MRPL54: variants seen among roughly 807,000 people sequenced by gnomAD.
MRPL54 encodes the protein mitochondrial ribosomal protein L54, also known as large ribosomal subunit protein mL54.
A neutral mutation model predicts 15.6 loss-of-function variants in MRPL54; 12 were observed. The observed-to-expected ratio is 0.77, with a 90% CI of 0.49 to 1.24. The LOEUF is 1.24. MRPL54 is among the 50% of genes most tolerant of loss of function. The probability of loss-of-function intolerance (pLI) is 0.00; values close to 1 mark genes in which losing one functional copy is unlikely to be tolerated. For missense variants in MRPL54, 178 were observed against 186.8 expected (o/e 0.95, Z 0.28); for synonymous variants, 91 against 75.7 (o/e 1.20, Z -1.05).
At chr19:3,767,183 C>T (rs986511683) in intron 2 of MRPL54, 78 bp from the exon 3 acceptor site, 22 of 1,527,972 alleles carry the variant, frequency 1.4e-5, no homozygotes, top group Non-Finnish European at 1.9e-5. Flanking sequence ...CCGTCGCCGC[C>T]TCTGCCCGAG....
chr19:3,762,727 T>C lies in MRPL54; in HGVS notation c.27T>C (p.Ala9=). 1 of 1,611,816 alleles carries C rather than the reference T, an allele frequency of 6.2e-7. No individual in the cohort carries two copies. Among genetic ancestry groups the C allele is most frequent in the Non-Finnish European group, 8.5e-7 (1 of 1,179,150 alleles). Residue 9 remains alanine, a synonymous_variant, in exon 1 of 3, where the codon GCT becomes GCC. Coordinates refer to ENST00000330133, the MANE Select transcript of MRPL54 (RefSeq NM_172251.3). Reference sequence around the variant, plus strand: ...TGGCGACCAAACGCCTTTTCGGGGCTACCCGGACGTGGGCCGGCTGGGGGG... The same window carrying C: ...TGGCGACCAAACGCCTTTTCGGGGCCACCCGGACGTGGGCCGGCTGGGGGG... MATKRLFG[A]TRTWAGWGAW...
intron 1 of MRPL54, 67 bp from the exon 2 acceptor site, chr19:3,765,099 C>T: frequency 6.6e-7 from 1 of 1,520,926 alleles, no homozygotes; most frequent in Non-Finnish European, 8.9e-7. Flanking sequence ...AGACAGGGTT[C>T]TGTGAGAGAA....
chr19:3,766,078 ATT>A (rs1177318246), intron 2 of MRPL54, among the ~76,000 whole-genome samples: 4 of 138,752 alleles, frequency 2.9e-5, no homozygotes, highest in Non-Finnish European at 3.2e-5. Flanking sequence ...TGCCTGGCTA[ATT>A]TTTTTTTTTT....
rs372228610 is a variant in MRPL54 at position 3,767,281 on chromosome 19, G to C, written c.305G>C (p.Gly102Ala). 8.5e-5 allele frequency: 137 copies of C among 1,612,510 alleles called. No homozygotes were observed. The highest frequency in any genetic ancestry group is 1.1e-4 in the Non-Finnish European group (124 of 1,179,446). Residue 102 changes from glycine (G) to alanine (A), a missense_variant, in exon 3 of 3, where the codon GGT becomes GCT. Coordinates refer to ENST00000330133, the MANE Select transcript of MRPL54 (RefSeq NM_172251.3). ...YPEWLFEMNL[G>A]PPKTLEELDP... is the part of the protein sequence containing the mutation. ...GTCAGGCTGTTCGAGATGAACTTGG[G>C]TCCCCCAAAGACCCTGGAGGAGCTG...
At chr19:3,766,904 C>T (rs1182150973) in intron 2 of MRPL54, among the ~76,000 whole-genome samples, 1 of 152,080 alleles carries the variant, frequency 6.6e-6, no homozygotes, top group African/African-American at 2.4e-5. Context: ...GAGGTGAGGG[C>T]AGGACCTGTG....
chr19:3,765,914 ATT>A (rs369795897), intron 2 of MRPL54, among the ~76,000 whole-genome samples: 5 of 15,510 alleles, frequency 3.2e-4, no homozygotes, highest in East Asian at 0.011. Context: ...AAAAAAAAAA[ATT>A]TTTTTTTTTC....
At chr19:3,765,434 T>A in intron 2 of MRPL54, 103 bp downstream of exon 2, 1 of 1,281,416 alleles carries the variant, frequency 7.8e-7, no homozygotes, top group Non-Finnish European at 1.1e-6. Flanking sequence ...CGGAGCCTAA[T>A]AGTCACACCT....
At chr19:3,764,147 A>G (rs1168739473) in intron 1 of MRPL54, among the ~76,000 whole-genome samples, 2 of 151,072 alleles carry the variant, frequency 1.3e-5, no homozygotes, top group Non-Finnish European at 3.0e-5. Context: ...CAGTGGCGCA[A>G]TCTTGGCTCA....
At chr19:3,764,645 A>T (rs2037180149) in intron 1 of MRPL54, among the ~76,000 whole-genome samples, 2 of 145,836 alleles carry the variant, frequency 1.4e-5, no homozygotes, top group African/African-American at 2.6e-5. Flanking sequence ...AACTCACCTG[A>T]CCTCAGGTGA....
Position 3,765,167 on chromosome 19 carries a change from T to C in MRPL54, c.120T>C (p.Val40=). 1.2e-6 allele frequency: 2 copies of C among 1,610,140 alleles called. No individual in the cohort carries two copies. The highest frequency in any genetic ancestry group is 1.7e-6 in the Non-Finnish European group (2 of 1,178,186). Residue 40 remains valine (V), a splice_region_variant and synonymous_variant, in exon 2 of 3, where the codon GTT becomes GTC. Transcript: ENST00000330133. ...TGACTCTCCCTCTCGTCTCCCCAGT[T>C]ATGAAGGGGGCCAAATCGGGAAAAG... ...LLARDYAKKP[V]MKGAKSGKGA... is the part of the protein sequence containing the mutation.
intron 2 of MRPL54, among the ~76,000 whole-genome samples, chr19:3,766,765 G>A (rs1420793845): frequency 6.6e-6 from 1 of 152,220 alleles, no homozygotes; most frequent in South Asian, 2.1e-4. Flanking sequence ...GGGAGTGGGT[G>A]GAAGGGGCTT....
intron 1 of MRPL54, 125 bp downstream of exon 1, chr19:3,762,943 C>A: frequency 1.2e-6 from 1 of 806,864 alleles, no homozygotes; most frequent in Non-Finnish European, 1.9e-6. Context: ...GGATGCCAGG[C>A]TGTATGCGCA....
chr19:3,763,048 G>T (rs1249091440), intron 1 of MRPL54, among the ~76,000 whole-genome samples: 1 of 152,260 alleles, frequency 6.6e-6, no homozygotes, highest in Non-Finnish European at 1.5e-5. Context: ...GCCAGCTTGG[G>T]GCGGAGCGGC....
At chr19:3,763,615 TA>T (rs60200777) in intron 1 of MRPL54, among the ~76,000 whole-genome samples, 47 of 145,352 alleles carry the variant, frequency 3.2e-4, no homozygotes, top group Non-Finnish European at 3.9e-4. Flanking sequence ...CCTGTTTGTA[TA>T]AAAAAAAAAA....
rs1163094327 is a variant in MRPL54, at chr19:3,765,165, G to T, written c.119-1G>T. Reference sequence around the variant, plus strand: ...AATGACTCTCCCTCTCGTCTCCCCAGTTATGAAGGGGGCCAAATCGGGAAA... The same window carrying T: ...AATGACTCTCCCTCTCGTCTCCCCATTTATGAAGGGGGCCAAATCGGGAAA... On this transcript the variant is annotated splice_acceptor_variant, in intron 1 of 2. Coordinates refer to ENST00000330133, the MANE Select transcript of MRPL54 (RefSeq NM_172251.3). LOFTEE classifies it high-confidence loss of function. 10 of 1,610,180 alleles carry T rather than the reference G, an allele frequency of 6.2e-6. No individual in the cohort carries two copies. The highest frequency in any genetic ancestry group is 5.1e-5 in the Admixed American group (3 of 59,378).
In MRPL54 at chr19:3,762,807, C is replaced by T. The variant is rs1368094766; in HGVS notation, c.107C>T (p.Ala36Val). 1.3e-6 allele frequency: 2 copies of T among 1,581,828 alleles called. No homozygotes were observed. The highest frequency in any genetic ancestry group is 1.8e-5 in the Admixed American group (1 of 55,102). ...GGAAGACTCCTGGCCCGGGATTATG[C>T]CAAGAAACCAGGTGAGCTGGGTTAA... ...TSGRLLARDY[A>V]KKPVMKGAKS... Residue 36 changes from alanine to valine, a missense_variant, in exon 1 of 3, where the codon GCC (alanine) becomes GTC (valine). Ala to Val is a moderately conservative substitution (Grantham distance 64). Coordinates refer to ENST00000330133, the MANE Select transcript of MRPL54 (RefSeq NM_172251.3).
Position 3,762,916 on chromosome 19 carries a change from C to A in MRPL54, c.118+98C>A, listed in dbSNP as rs186669121. ...TGGGGAGGTGGTGCTAGAACTGATG[C>A]GCAAGCGCAGAGAGGCGGATGCCAG... On this transcript the variant is annotated intron_variant, in intron 1 of 2. Coordinates refer to ENST00000330133, the MANE Select transcript of MRPL54 (RefSeq NM_172251.3). 5 of 1,047,808 alleles carry A rather than the reference C, an allele frequency of 4.8e-6. No individual in the cohort carries two copies. The East Asian group carries it at 1.2e-4, about 24-fold the overall frequency. The allele number at this position is 1,047,808 out of a possible 1,614,324, so 64.9% of individuals were successfully genotyped here.
At chr19:3,763,359 G>A (rs533739660) in intron 1 of MRPL54, among the ~76,000 whole-genome samples, 7 of 152,346 alleles carry the variant, frequency 4.6e-5, no homozygotes, top group African/African-American at 1.7e-4. Context: ...CGGCCTTAAA[G>A]ACAGACACAT....
chr19:3,764,572 T>C (rs1441997139), intron 1 of MRPL54, among the ~76,000 whole-genome samples: 1 of 151,230 alleles, frequency 6.6e-6, no homozygotes, highest in African/African-American at 2.4e-5. Flanking sequence ...CATGCCCAGC[T>C]AATTTTTTTT....
Sources: allele counts gnomAD v4.1 joint callset (sites outside exome capture counted in the v4.1 genomes callset), GRCh38; gene constraint gnomAD v4.1.1; transcripts MANE v1.5; gene names NCBI Gene and HGNC (gene_info 2026-07-23, HGNC 2026-07-21).